The following B4GALT1 variants were observed in gnomAD, a reference collection of about 807,000 sequenced individuals.
The protein encoded by B4GALT1 is N-acetyllactosamine synthase.
A neutral mutation model predicts 34.9 loss-of-function variants in B4GALT1; 16 were observed. The ratio of observed to expected loss-of-function variants is 0.46; its 90% CI spans 0.31 to 0.70. The LOEUF is 0.70. Ranked by LOEUF, B4GALT1 falls within the 30% of genes least tolerant of loss-of-function variation. B4GALT1 has a pLI of 0.05. For synonymous variants in B4GALT1, 221 were observed against 218.1 expected, an observed-to-expected ratio of 1.01 and a Z score of -0.12; for missense variants, 445 against 530.5, an observed-to-expected ratio of 0.84 and a Z score of 1.58.
intron 1 of B4GALT1, among the ~76,000 whole-genome samples, chr9:33,150,270 C>CGA (rs375327326): frequency 2.8e-3 from 244 of 87,884 alleles, no homozygotes; most frequent in South Asian, 0.021. Context: ...ACACACAGAG[C>CGA]GAGAGAGAGA....
chr9:33,164,478 C>T (rs1044661243), intron 1 of B4GALT1, among the ~76,000 whole-genome samples: 4 of 152,202 alleles, frequency 2.6e-5, no homozygotes, highest in Non-Finnish European at 2.9e-5. Flanking sequence ...GCAGCCTAAA[C>T]GTCATGGTCT....
chr9:33,174,990 A>AATATATATATATATATATATATAT, the B4GALT1 span, among the ~76,000 whole-genome samples: 1 of 4,834 alleles, frequency 2.1e-4, no homozygotes, highest in Non-Finnish European at 3.8e-4. Flanking sequence ...AAAAAAAAAA[A>AATATATATATATATATATATATAT]ATATATATAT....
intron 2 of B4GALT1, among the ~76,000 whole-genome samples, chr9:33,123,387 C>T (rs191453256): frequency 2.0e-5 from 3 of 151,712 alleles, no homozygotes; most frequent in Admixed American, 6.6e-5. Flanking sequence ...GTGGGGATAC[C>T]ATACACAAGG....
the B4GALT1 span, among the ~76,000 whole-genome samples, chr9:33,176,255 T>C: frequency 3.3e-5 from 5 of 152,352 alleles, no homozygotes; most frequent in East Asian, 9.6e-4. Flanking sequence ...GCTCTTTTCA[T>C]GTTGAACTAT....
rs1554684051 is a variant in B4GALT1, at chr9:33,111,269, A to AAAAAAC, written c.*2184_*2185insGTTTTT. ...GGTAACCAAAAAAAAAAAAAAAAAA[A>AAAAAAC]AAAAAAAAACAACAAGAAAAGGTAG... On this transcript the variant is annotated 3_prime_UTR_variant, in exon 6 of 6. Transcript: ENST00000379731. The AAAAAAC allele has an allele frequency of 7.6e-5, 11 of 144,694 alleles. No individual in the cohort carries two copies. The highest frequency in any genetic ancestry group is 2.6e-4 in the African/African-American group (10 of 38,322). The allele number at this position is 144,694 out of a possible 1,614,324, so 9.0% of individuals were successfully genotyped here. A position where few individuals can be genotyped will look rare whatever the true frequency, so the allele number is the denominator to read the frequency against.
intron 2 of B4GALT1, among the ~76,000 whole-genome samples, chr9:33,120,863 T>C (rs1840011872): frequency 6.6e-6 from 1 of 152,142 alleles, no homozygotes; most frequent in South Asian, 2.1e-4. Context: ...ATGTTCATCA[T>C]AACAAAAGAC....
At chr9:33,150,988 AGG>A (rs1840509334) in intron 1 of B4GALT1, among the ~76,000 whole-genome samples, 12 of 152,082 alleles carry the variant, frequency 7.9e-5, no homozygotes, top group Non-Finnish European at 1.5e-4. Context: ...GAAGGAAGGA[AGG>A]AAATAAGTAA....
chr9:33,116,023 G>A lies in B4GALT1; in HGVS notation c.927C>T (p.Gly309=). Residue 309 remains glycine (G), a synonymous_variant, in exon 4 of 6, where the codon GGC becomes GGT. Coordinates refer to ENST00000379731, the MANE Select transcript of B4GALT1 (RefSeq NM_001497.4). ...AAATGTCATCATCTTCTCCTCCCCAGCCCCAATAATTATTAGGAAATCCAT... is the reference window on the plus strand; with the variant it reads ...AAATGTCATCATCTTCTCCTCCCCAACCCCAATAATTATTAGGAAATCCAT... ...TINGFPNNYW[G]WGGEDDDIFN... is the part of the protein sequence containing the mutation. 2.5e-6 allele frequency: 4 copies of A among 1,612,774 alleles called. No individual in the cohort carries two copies. The highest frequency in any genetic ancestry group is 3.4e-6 in the Non-Finnish European group (4 of 1,179,068).
At position 33,113,806 on chromosome 9, in the gene B4GALT1, T is replaced by C; in HGVS notation, c.1032A>G (p.Ser344=). 6.2e-7 allele frequency: 1 copy of C among 1,614,140 alleles called. No homozygotes were observed. Among genetic ancestry groups the C allele is most frequent in the East Asian group, 2.2e-5 (1 of 44,888 alleles). ...VVGRCRMIRH[S]RDKKNEPNPQ... Reference sequence around the variant, plus strand: ...GATTGGGTTCATTTTTCTTGTCTCTTGAGTGGCGGATCATGCGACACCTCC... The same window carrying C: ...GATTGGGTTCATTTTTCTTGTCTCTCGAGTGGCGGATCATGCGACACCTCC... Residue 344 remains serine, a synonymous_variant, in exon 5 of 6, where the codon TCA becomes TCG. Transcript: ENST00000379731.
rs754278643 is a variant in B4GALT1, at chr9:33,120,551, G to C, written c.704C>G (p.Ala235Gly). Residue 235 changes from alanine to glycine, a missense_variant, in exon 3 of 6, where the codon GCC becomes GGC. Coordinates refer to ENST00000379731, the MANE Select transcript of B4GALT1 (RefSeq NM_001497.4). ...GCAGGTGTAGTCATAGTCCTTCAAG[G>C]CTTCTTGAAAGCCAACATTGAGGAG... ...AKLLNVGFQE[A>G]LKDYDYTCFV... 1 of 1,614,204 alleles carries C rather than the reference G, an allele frequency of 6.2e-7. No individual in the cohort carries two copies. Among genetic ancestry groups the C allele is most frequent in the Non-Finnish European group, 8.5e-7 (1 of 1,180,030 alleles).
chr9:33,150,674 T>G (rs1365907951), intron 1 of B4GALT1, among the ~76,000 whole-genome samples: 1 of 152,202 alleles, frequency 6.6e-6, no homozygotes, highest in Non-Finnish European at 1.5e-5. Flanking sequence ...CACAAAAATA[T>G]GTATGTGTTA....
chr9:33,176,510 A>G, the B4GALT1 span, among the ~76,000 whole-genome samples: 1 of 152,184 alleles, frequency 6.6e-6, no homozygotes, highest in Non-Finnish European at 1.5e-5. Context: ...TGAGATCTCA[A>G]CAGTCTTACA....
intron 1 of B4GALT1, 68 bp downstream of exon 1, chr9:33,166,690 T>TG (rs1840760306): frequency 7.0e-7 from 1 of 1,437,908 alleles, no homozygotes; most frequent in African/African-American, 1.4e-5. Flanking sequence ...AGGGAATGTC[T>TG]GGGGGACCCT....
intron 1 of B4GALT1, among the ~76,000 whole-genome samples, chr9:33,152,442 T>C (rs1840533871): frequency 6.7e-6 from 1 of 149,342 alleles, no homozygotes; most frequent in South Asian, 2.1e-4. Context: ...ACAAATGATA[T>C]GTAATAAACA....
At chr9:33,171,267 C>T (rs1840837984), upstream of B4GALT1, among the ~76,000 whole-genome samples, 1 of 152,206 alleles carries the variant, frequency 6.6e-6, no homozygotes, top group Admixed American at 6.5e-5. Context: ...AAAATGGCTT[C>T]ACTCATGTGA....
rs989868209 is a variant in B4GALT1 at position 33,112,596 on chromosome 9, T to C, written c.*858A>G. 2 of 152,520 alleles carry C rather than the reference T, an allele frequency of 1.3e-5. No individual in the cohort carries two copies. The highest frequency in any genetic ancestry group is 2.9e-5 in the Non-Finnish European group (2 of 68,014). 9.4% of individuals were successfully genotyped at this position (152,520 alleles called of 1,614,324 possible). A position where few individuals can be genotyped will look rare whatever the true frequency, so the allele number is the denominator to read the frequency against. ...TTTAAAACACCACAATAAAAATACA[T>C]AGGAAATTCAAGTTTACATAGCATG... On this transcript the variant is annotated 3_prime_UTR_variant, in exon 6 of 6. Coordinates refer to ENST00000379731, the MANE Select transcript of B4GALT1 (RefSeq NM_001497.4).
At chr9:33,151,503 A>C (rs1008930562) in intron 1 of B4GALT1, among the ~76,000 whole-genome samples, 1 of 152,146 alleles carries the variant, frequency 6.6e-6, no homozygotes, top group African/African-American at 2.4e-5. Flanking sequence ...TCCTGGCAAT[A>C]TCTCTCTGGT....
At chr9:33,140,413 T>C (rs1336969296) in intron 1 of B4GALT1, among the ~76,000 whole-genome samples, 2 of 152,252 alleles carry the variant, frequency 1.3e-5, no homozygotes, top group Non-Finnish European at 2.9e-5. Context: ...TAAGTGCTTC[T>C]TACTCTTTGA....
chr9:33,147,505 C>T (rs1840445962), intron 1 of B4GALT1, among the ~76,000 whole-genome samples: 1 of 151,396 alleles, frequency 6.6e-6, no homozygotes, highest in African/African-American at 2.4e-5. Flanking sequence ...CCTCGGCCTC[C>T]CAGAATGCTG....
Sources: gnomAD v4.1 joint callset for allele counts (sites outside exome capture counted in the v4.1 genomes callset) on GRCh38, gnomAD v4.1.1 for gene constraint, MANE v1.5 for transcripts, NCBI Gene and HGNC (gene_info 2026-07-23, HGNC 2026-07-21) for gene names.